SLC30A9: variants seen among roughly 807,000 people sequenced by gnomAD.
SLC30A9 encodes the protein proton-coupled zinc antiporter SLC30A9, mitochondrial.
A neutral mutation model predicts 87.5 loss-of-function variants in SLC30A9; 58 were observed. The ratio of observed to expected loss-of-function variants is 0.66; its 90% CI spans 0.54 to 0.82. The LOEUF is 0.82. SLC30A9 is among the 40% of genes least tolerant of loss of function. SLC30A9 has a pLI of 0.00. For missense variants in SLC30A9, 557 were observed against 679.1 expected, an observed-to-expected ratio of 0.82 and a Z score of 2.00; for synonymous variants, 234 against 233.0, an observed-to-expected ratio of 1.00 and a Z score of -0.04.
intron 1 of SLC30A9, among the ~76,000 whole-genome samples, chr4:41,998,615 C>T (rs936863495): frequency 4.6e-5 from 7 of 152,084 alleles, no homozygotes; most frequent in African/African-American, 7.2e-5. Context: ...AGGCGCCCAC[C>T]GCCACGTCTG....
In SLC30A9 at chr4:42,001,034, T is replaced by G. The variant is rs375704182; in HGVS notation, c.110-582T>G. On this transcript the variant is annotated intron_variant, in intron 1 of 17. Coordinates refer to ENST00000264451, the MANE Select transcript of SLC30A9 (RefSeq NM_006345.4). ...CTTCTGTATTTGAGCCCTTCAAAGC[T>G]CACAGTCAACCCAGATGAAGCAGCT... 2.2e-4 allele frequency among the ~76,000 whole-genome samples: 34 copies of G among 152,192 alleles called. No individual in the cohort carries two copies. In the East Asian group the frequency reaches 6.4e-3, roughly 28 times the overall value.
intron 9 of SLC30A9, among the ~76,000 whole-genome samples, chr4:42,055,925 T>C (rs1717592387): frequency 6.6e-6 from 1 of 152,216 alleles, no homozygotes; most frequent in Admixed American, 6.5e-5. Context: ...ATGTTCGTTA[T>C]GCTGCAAACT....
chr4:42,057,946 A>G (rs1486096234), intron 9 of SLC30A9, among the ~76,000 whole-genome samples: 1 of 151,842 alleles, frequency 6.6e-6, no homozygotes, highest in Non-Finnish European at 1.5e-5. Flanking sequence ...TACTAAAAAT[A>G]CAAAAATTAG....
chr4:41,990,673 G>A lies in SLC30A9; in HGVS notation c.22G>A (p.Ala8Thr). ...CAGGATGTTACCCGGCTTGGCCGCC[G>A]CCGCGGCCCACAGATGTAGCTGGTC... MLPGLAAAAAHRCSWSSL... is the reference protein window; with the variant it reads MLPGLAATAAHRCSWSSL... Residue 8 changes from alanine (A) to threonine (T), a missense_variant, in exon 1 of 18, where the codon GCC becomes ACC. Coordinates refer to ENST00000264451, the MANE Select transcript of SLC30A9 (RefSeq NM_006345.4). 6.2e-7 allele frequency: 1 copy of A among 1,607,244 alleles called. No individual in the cohort carries two copies. Among genetic ancestry groups the A allele is most frequent in the Non-Finnish European group, 8.5e-7 (1 of 1,176,044 alleles).
chr4:42,020,771 C>A, intron 4 of SLC30A9: 1 of 310,690 alleles, frequency 3.2e-6, no homozygotes, highest in South Asian at 7.6e-5. Flanking sequence ...AAAAGCTTTC[C>A]ATCACACAAG....
At chr4:42,056,803 G>A (rs1717634524) in intron 9 of SLC30A9, among the ~76,000 whole-genome samples, 1 of 152,054 alleles carries the variant, frequency 6.6e-6, no homozygotes. Context: ...TTATTTCCTG[G>A]ATACAATGAG....
At chr4:42,075,533 G>A (rs1718515894) in intron 15 of SLC30A9, 124 bp from the exon 16 acceptor site, 2 of 814,556 alleles carry the variant, frequency 2.5e-6, no homozygotes, top group Non-Finnish European at 3.9e-6. Context: ...ATACTCTGAA[G>A]CCATCTTAGT....
chr4:42,036,142 C>A (rs1382929658), intron 7 of SLC30A9, among the ~76,000 whole-genome samples: 1 of 152,142 alleles, frequency 6.6e-6, no homozygotes, highest in African/African-American at 2.4e-5. Context: ...GTTCACCTTC[C>A]CACTCTTTGA....
chr4:42,078,135 G>GTTTTT (rs546578467), intron 16 of SLC30A9, 77 bp from the exon 17 acceptor site: 1 of 597,854 alleles, frequency 1.7e-6, no homozygotes, highest in South Asian at 2.3e-5. Context: ...TTATAGGTTT[G>GTTTTT]TTTTTTTTTA....
chr4:42,051,620 A>G (rs937216504), intron 9 of SLC30A9, among the ~76,000 whole-genome samples: 1 of 152,244 alleles, frequency 6.6e-6, no homozygotes, highest in South Asian at 2.1e-4. Flanking sequence ...AATTCACTGT[A>G]TAGAATTAAC....
chr4:42,081,826 T>G (rs914083740), intron 17 of SLC30A9, among the ~76,000 whole-genome samples: 2 of 152,224 alleles, frequency 1.3e-5, no homozygotes, highest in Non-Finnish European at 2.9e-5. Context: ...TAGAGGCTAT[T>G]AAATCATTAA....
intron 8 of SLC30A9, among the ~76,000 whole-genome samples, chr4:42,047,219 A>C (rs1717195275): frequency 6.6e-6 from 1 of 152,232 alleles, no homozygotes; most frequent in South Asian, 2.1e-4. Context: ...CAAAAGCCAA[A>C]ATTGACAAAT....
intron 9 of SLC30A9, among the ~76,000 whole-genome samples, chr4:42,049,987 A>G (rs1457766597): frequency 7.2e-5 from 11 of 152,164 alleles, no homozygotes. Context: ...CTGTGTGTGC[A>G]TCCTATTACA....
At chr4:42,045,080 A>G (rs1305220924) in intron 8 of SLC30A9, among the ~76,000 whole-genome samples, 1 of 152,226 alleles carries the variant, frequency 6.6e-6, no homozygotes, top group Non-Finnish European at 1.5e-5. Context: ...AGGGAAATTT[A>G]TAGCACTAAA....
intron 14 of SLC30A9, among the ~76,000 whole-genome samples, chr4:42,068,881 G>A (rs1294070069): frequency 1.3e-5 from 2 of 152,182 alleles, no homozygotes; most frequent in Non-Finnish European, 2.9e-5. Context: ...CTCAATTTAT[G>A]AAGTTGGAAT....
chr4:42,019,010 TA>T (rs35457468), intron 3 of SLC30A9, among the ~76,000 whole-genome samples: 97,583 of 151,150 alleles, frequency 0.65, 35,660 homozygotes, highest in East Asian at 0.96. Context: ...TATTTCCTTA[TA>T]TTTTTTTTCA....
chr4:42,065,558 C>T (rs775697790), intron 12 of SLC30A9, among the ~76,000 whole-genome samples: 3 of 152,228 alleles, frequency 2.0e-5, no homozygotes, highest in Admixed American at 6.5e-5. Flanking sequence ...TGTGTAACTG[C>T]GCCCTGCCAT....
At chr4:42,046,580 G>C (rs145606790) in intron 8 of SLC30A9, among the ~76,000 whole-genome samples, 3 of 152,252 alleles carry the variant, frequency 2.0e-5, no homozygotes, top group African/African-American at 7.2e-5. Flanking sequence ...GGAAATAAGA[G>C]AGGACACAAA....
At chr4:42,032,153 A>G (rs900868931) in intron 6 of SLC30A9, among the ~76,000 whole-genome samples, 5 of 152,216 alleles carry the variant, frequency 3.3e-5, no homozygotes, top group Admixed American at 6.5e-5. Flanking sequence ...TCGTGAGGAC[A>G]GTACCAAGAG....
Sources: allele counts gnomAD v4.1 joint callset (sites outside exome capture counted in the v4.1 genomes callset), GRCh38; gene constraint gnomAD v4.1.1; transcripts MANE v1.5; gene names NCBI Gene and HGNC (gene_info 2026-07-23, HGNC 2026-07-21).